MCF2L: variants seen among roughly 807,000 people sequenced by gnomAD.
The protein encoded by MCF2L is MCF.2 cell line derived transforming sequence like.
MCF2L carries 97 observed loss-of-function variants against 153.4 expected under a neutral mutation model. That is an observed-to-expected ratio of 0.63 (90% confidence interval 0.54 to 0.75). The LOEUF (loss-of-function observed/expected upper bound fraction) is 0.75, where lower values mean the gene tolerates loss of function less well. MCF2L is among the 30% of genes least tolerant of loss of function. MCF2L has a pLI of 0.00. For synonymous variants in MCF2L, 659 were observed against 632.2 expected, an observed-to-expected ratio of 1.04 and a Z score of -0.64; for missense variants, 1,347 against 1,495.2, an observed-to-expected ratio of 0.90 and a Z score of 1.64.
chr13:112,981,901 C>A (rs1410366140), intron 1 of MCF2L, among the ~76,000 whole-genome samples: 1 of 152,226 alleles, frequency 6.6e-6, no homozygotes, highest in Non-Finnish European at 1.5e-5. Flanking sequence ...CGCAGGTTTT[C>A]TTCCCAGGAT....
At chr13:113,063,043 A>T (rs545040636) in intron 5 of MCF2L, among the ~76,000 whole-genome samples, 7 of 152,290 alleles carry the variant, frequency 4.6e-5, no homozygotes, top group South Asian at 2.1e-4. Context: ...CTGTTTGATG[A>T]TGTTGCTGGA....
chr13:113,077,887 G>A (rs756667471), intron 13 of MCF2L, among the ~76,000 whole-genome samples: 2 of 152,222 alleles, frequency 1.3e-5, no homozygotes, highest in South Asian at 4.1e-4. Flanking sequence ...GGGGCCCCGG[G>A]GGCCAGGCTC....
Position 113,058,938 on chromosome 13 carries a change from C to T in MCF2L, c.370-1655C>T, listed in dbSNP as rs538933741. Among the ~76,000 whole-genome samples the T allele has an allele frequency of 7.8e-3, 1,096 of 139,896 alleles. 13 individuals carry two copies. The highest frequency in any genetic ancestry group is 0.028 in the African/African-American group (1,042 of 36,706). 91.8% of individuals were successfully genotyped at this position (139,896 alleles called of 152,430 possible). A position where few individuals can be genotyped will look rare whatever the true frequency, so the allele number is the denominator to read the frequency against. On this transcript the variant is annotated intron_variant, in intron 4 of 29. Coordinates refer to ENST00000535094, the MANE Select transcript of MCF2L (RefSeq NM_001112732.3). ...CTGAGTGTTTGGGTGCTGAGTGTTTCGGCACTGTTTGGGTGCTGAGTGTTT... is the reference window on the plus strand; with the variant it reads ...CTGAGTGTTTGGGTGCTGAGTGTTTTGGCACTGTTTGGGTGCTGAGTGTTT...
chr13:112,944,981 A>G (rs1480513657), intron 2 of MCF2L, among the ~76,000 whole-genome samples: 1 of 148,896 alleles, frequency 6.7e-6, no homozygotes, highest in Non-Finnish European at 1.5e-5. Context: ...AAATCGATGC[A>G]ATGCCAATTA....
intron 21 of MCF2L, among the ~76,000 whole-genome samples, chr13:113,086,778 G>C (rs1031601931): frequency 6.6e-6 from 1 of 151,938 alleles, no homozygotes; most frequent in African/African-American, 2.4e-5. Flanking sequence ...ATTTATTGCA[G>C]CAATTTTTGG....
At position 113,064,993 on chromosome 13, in the gene MCF2L, G is replaced by A. The variant is rs953604623; in HGVS notation, c.664G>A (p.Gly222Arg). ...GACGGCTCAGATGCTGCAGTCCTTC[G>A]GGACCGAGCTGGCTGAAACAGAGCT... ...KQTAQMLQSF[G>R]TELAETELPN... is the part of the protein sequence containing the mutation. The change falls in exon 7 of 30, where the codon GGG becomes AGG. Residue 222 changes from glycine to arginine, a missense_variant. Transcript: ENST00000535094. The surrounding 1 kb of genome is among the most constrained non-coding windows in gnomAD (Gnocchi z 6.0). 7 of 1,612,960 alleles carry A rather than the reference G, an allele frequency of 4.3e-6. No homozygotes were observed. Among genetic ancestry groups the A allele is most frequent in the African/African-American group, 1.3e-5 (1 of 74,900 alleles).
intron 4 of MCF2L, among the ~76,000 whole-genome samples, chr13:113,050,287 A>AG (rs74276773): frequency 2.1e-5 from 1 of 48,352 alleles, no homozygotes; most frequent in Non-Finnish European, 4.3e-5. Flanking sequence ...TGTGAGTGTG[A>AG]GAGTGTGTGT....
intron 3 of MCF2L, among the ~76,000 whole-genome samples, chr13:113,026,546 T>C (rs2085321061): frequency 1.3e-5 from 2 of 152,200 alleles, no homozygotes; most frequent in Non-Finnish European, 1.5e-5. Context: ...TGCTCCCTCG[T>C]ATACCATCAC....
At position 113,074,515 on chromosome 13, in the gene MCF2L, T is replaced by C. The variant is rs762987954; in HGVS notation, c.1068T>C (p.His356=). 1.9e-6 allele frequency: 3 copies of C among 1,614,064 alleles called. No homozygotes were observed. Among genetic ancestry groups the C allele is most frequent in the East Asian group, 2.2e-5 (1 of 44,876 alleles). The change falls in exon 10 of 30, where the codon CAT becomes CAC. Residue 356 remains histidine (H), a synonymous_variant. Coordinates refer to ENST00000535094, the MANE Select transcript of MCF2L (RefSeq NM_001112732.3). The surrounding 1 kb of genome is among the most constrained non-coding windows in gnomAD (Gnocchi z 4.2). Reference sequence around the variant, plus strand: ...CAGACATCGGCAACAGCCTGGCGCATGTGGAGCACCTGCTGAGGGACCTGG... The same window carrying C: ...CAGACATCGGCAACAGCCTGGCGCACGTGGAGCACCTGCTGAGGGACCTGG... ...TFTDIGNSLA[H]VEHLLRDLAS...
Position 113,017,030 on chromosome 13 carries a change from C to G in MCF2L, c.163+2184C>G, listed in dbSNP as rs183981285. The stretch of plus-strand genomic sequence containing the variant: ...GCTGTTCTCAGGATCCAGGTCGTAG[C>G]AGCAGTACCACGTCTGAGAAGGATC... On this transcript the variant is annotated intron_variant, in intron 2 of 29. Transcript: ENST00000535094. 1.7e-3 allele frequency among the ~76,000 whole-genome samples: 262 copies of G among 152,356 alleles called. 2 individuals are homozygous for G. The highest frequency in any genetic ancestry group is 6.0e-3 in the African/African-American group (251 of 41,592).
chr13:112,909,124 C>G (rs180684934), intron 2 of MCF2L: 19 of 731,622 alleles, frequency 2.6e-5, no homozygotes, highest in Admixed American at 2.0e-4. Flanking sequence ...AAGAAATTCT[C>G]TCCCTCCTGC....
rs757735010 is a variant in MCF2L at position 113,045,370 on chromosome 13, C to T, written c.369+9C>T. ...CCGTCCTGCGCATCGCAGTAAGTGC[C>T]ACCCGGGGCTCTGCCCTGCGCCCGG... On this transcript the variant is annotated intron_variant, in intron 4 of 29. Coordinates refer to ENST00000535094, the MANE Select transcript of MCF2L (RefSeq NM_001112732.3). The surrounding 1 kb of genome is among the most constrained non-coding windows in gnomAD (Gnocchi z 4.2). 2 of 1,612,296 alleles carry T rather than the reference C, an allele frequency of 1.2e-6. No homozygotes were observed. Among genetic ancestry groups the T allele is most frequent in the Admixed American group, 1.7e-5 (1 of 60,034 alleles).
At position 113,095,033 on chromosome 13, in the gene MCF2L, AC is replaced by A. The variant is rs368339775; in HGVS notation, c.3075+404del. 1.2e-3 allele frequency: 1,591 copies of A among 1,371,568 alleles called. 2 individuals carry two copies. Among genetic ancestry groups the A allele is most frequent in the Middle Eastern group, 8.5e-3 (41 of 4,808 alleles). 85.0% of individuals were successfully genotyped at this position (1,371,568 alleles called of 1,614,324 possible). On this transcript the variant is annotated intron_variant, in intron 27 of 29. Transcript: ENST00000535094. ...ACCTTCCTCAGAGGAGACAGTCCCCACCCCCCTACCCTTTATGTCATAGAAT... is the reference window on the plus strand; with the variant it reads ...ACCTTCCTCAGAGGAGACAGTCCCCACCCCCTACCCTTTATGTCATAGAAT...
intron 2 of MCF2L, among the ~76,000 whole-genome samples, chr13:112,954,145 G>A (rs1283500907): frequency 6.6e-6 from 1 of 152,220 alleles, no homozygotes; most frequent in Admixed American, 6.5e-5. Flanking sequence ...TGTCACCCGA[G>A]GAGAGGGGAG....
At chr13:112,992,458 G>A (rs192889486) in intron 1 of MCF2L, among the ~76,000 whole-genome samples, 9 of 152,342 alleles carry the variant, frequency 5.9e-5, no homozygotes, top group East Asian at 3.9e-4. Flanking sequence ...AGGGGAAGCC[G>A]TGCTCCTGTG....
At chr13:112,916,995 A>G (rs2081299147) in intron 2 of MCF2L, 2 of 451,042 alleles carry the variant, frequency 4.4e-6, no homozygotes, top group Admixed American at 4.8e-5. Flanking sequence ...CCCTCTTCCC[A>G]CTCCAGGGCA....
intron 1 of MCF2L, among the ~76,000 whole-genome samples, chr13:113,011,404 T>G (rs1381639437): frequency 6.6e-6 from 1 of 152,238 alleles, no homozygotes; most frequent in Non-Finnish European, 1.5e-5. Flanking sequence ...GACAGTGCAG[T>G]GCAGATGATG....
intron 1 of MCF2L, among the ~76,000 whole-genome samples, chr13:112,986,431 G>C (rs1483392442): frequency 6.6e-6 from 1 of 152,216 alleles, no homozygotes; most frequent in Non-Finnish European, 1.5e-5. Flanking sequence ...GGACACAGCA[G>C]TAGACGTCAG....
At chr13:112,970,517 T>C (rs1358348201) in intron 1 of MCF2L, among the ~76,000 whole-genome samples, 2 of 152,166 alleles carry the variant, frequency 1.3e-5, no homozygotes, top group Non-Finnish European at 2.9e-5. Flanking sequence ...TCTTAGAGAA[T>C]CAGCTCTTTT....
Sources: allele counts gnomAD v4.1 joint callset (sites outside exome capture counted in the v4.1 genomes callset), GRCh38; gene constraint gnomAD v4.1.1; non-coding constraint Gnocchi (gnomAD v3.1); transcripts MANE v1.5; gene names NCBI Gene and HGNC (gene_info 2026-07-23, HGNC 2026-07-21).